The following PALM2AKAP2 variants were observed in gnomAD, a reference collection of about 807,000 sequenced individuals.
The protein encoded by PALM2AKAP2 is PALM2-AKAP2 fusion protein.
Under a neutral mutation model 71.5 loss-of-function variants are expected in PALM2AKAP2, and 37 were observed. That is an observed-to-expected ratio of 0.52 (90% CI 0.40 to 0.68). The LOEUF (loss-of-function observed/expected upper bound fraction) is 0.68. Among genes scored for constraint, PALM2AKAP2 ranks in the 30% least tolerant of loss-of-function variants. PALM2AKAP2 has a pLI of 0.00. For synonymous variants in PALM2AKAP2, 468 were observed against 478.8 expected, an observed-to-expected ratio of 0.98 and a Z score of 0.29; for missense variants, 1,224 against 1,191.8, an observed-to-expected ratio of 1.03 and a Z score of -0.40.
Position 109,867,722 on chromosome 9 carries a change from T to G in PALM2AKAP2, c.126+151T>G, listed in dbSNP as rs551014249. The G allele has an allele frequency of 6.4e-4, 584 of 909,720 alleles. 3 individuals carry two copies. In the Middle Eastern group the frequency reaches 7.1e-3, roughly 11 times the overall value. 56.4% of individuals were successfully genotyped at this position (909,720 alleles called of 1,614,324 possible). The stretch of plus-strand genomic sequence containing the variant: ...CAGGAAACCATCTCTTGGCTTTTCT[T>G]GTGAATTTCTCAAATTCAGGGCATT... On this transcript the variant is annotated intron_variant, in intron 2 of 9. Transcript: ENST00000302798.
intron 1 of PALM2AKAP2, among the ~76,000 whole-genome samples, chr9:109,799,329 C>T (rs746047293): frequency 1.3e-5 from 2 of 152,208 alleles, no homozygotes; most frequent in Non-Finnish European, 2.9e-5. Context: ...CTGAGAGCCA[C>T]TGAAGACCTG....
chr9:109,696,283 G>A (rs1205090738), intron 1 of PALM2AKAP2, among the ~76,000 whole-genome samples: 5 of 152,138 alleles, frequency 3.3e-5, no homozygotes. Context: ...TTAAAAGTGG[G>A]CAAAGGACAC....
rs568539585 is a variant in PALM2AKAP2, at chr9:109,909,161, C to T, written c.258-14574C>T. 1.2e-4 allele frequency among the ~76,000 whole-genome samples: 18 copies of T among 150,862 alleles called. No individual in the cohort carries two copies. The South Asian group carries it at 1.5e-3, about 13-fold the overall frequency. ...GAATAGTACATTACACACGCGCGCA[C>T]GCACACACACACACACACACCTGGG... is the stretch of plus-strand genomic sequence containing the variant. On this transcript the variant is annotated intron_variant, in intron 3 of 9. Transcript: ENST00000302798.
At chr9:109,876,019 G>C (rs1829712777) in intron 2 of PALM2AKAP2, among the ~76,000 whole-genome samples, 1 of 152,182 alleles carries the variant, frequency 6.6e-6, no homozygotes, top group South Asian at 2.1e-4. Flanking sequence ...GGAGGAGTTT[G>C]AGACCAGCCT....
intron 1 of PALM2AKAP2, among the ~76,000 whole-genome samples, chr9:109,752,219 A>G (rs913952977): frequency 2.0e-5 from 3 of 152,140 alleles, no homozygotes; most frequent in African/African-American, 4.8e-5. Flanking sequence ...AAAGGCATTC[A>G]ATGAAGACCA....
chr9:109,757,974 A>G (rs1828990709), intron 1 of PALM2AKAP2, among the ~76,000 whole-genome samples: 1 of 152,004 alleles, frequency 6.6e-6, no homozygotes, highest in East Asian at 1.9e-4. Context: ...TACCCATCCT[A>G]ACCCCCTCCC....
intron 1 of PALM2AKAP2, among the ~76,000 whole-genome samples, chr9:109,652,301 C>T (rs559109799): frequency 1.1e-4 from 16 of 152,204 alleles, no homozygotes; most frequent in African/African-American, 3.4e-4. Context: ...GTGGATCCCT[C>T]ATGAATGGCT....
At chr9:109,917,534 A>G (rs577463631) in intron 3 of PALM2AKAP2, among the ~76,000 whole-genome samples, 3 of 141,776 alleles carry the variant, frequency 2.1e-5, no homozygotes, top group East Asian at 2.1e-4. Context: ...TGTCACCCAG[A>G]CTGGAGTACA....
At chr9:110,104,452 G>C (rs1395009583) in intron 1 of PALM2AKAP2, among the ~76,000 whole-genome samples, 4 of 152,188 alleles carry the variant, frequency 2.6e-5, no homozygotes, top group Non-Finnish European at 5.9e-5. Flanking sequence ...TTGTGTTCCA[G>C]TGACTTGAAA....
At chr9:110,082,252 C>T (rs1378278374) in intron 1 of PALM2AKAP2, among the ~76,000 whole-genome samples, 3 of 152,098 alleles carry the variant, frequency 2.0e-5, no homozygotes, top group Non-Finnish European at 4.4e-5. Flanking sequence ...CACAGGGTTT[C>T]ACCATGTTGG....
chr9:110,167,626 T>A (rs1324798748), intron 3 of PALM2AKAP2, among the ~76,000 whole-genome samples: 1 of 152,202 alleles, frequency 6.6e-6, no homozygotes, highest in Non-Finnish European at 1.5e-5. Flanking sequence ...TTTCATTGAT[T>A]AGCATGTGGG....
intron 3 of PALM2AKAP2, among the ~76,000 whole-genome samples, chr9:109,907,098 T>A (rs1379888665): frequency 6.6e-6 from 1 of 152,214 alleles, no homozygotes; most frequent in Non-Finnish European, 1.5e-5. Context: ...TTCAAGATCC[T>A]ACTGACATGT....
chr9:110,049,973 G>A (rs1279963226), intron 1 of PALM2AKAP2, among the ~76,000 whole-genome samples: 1 of 152,218 alleles, frequency 6.6e-6, no homozygotes, highest in Admixed American at 6.5e-5. Flanking sequence ...GAGAGATGGT[G>A]GATTCCCTTT....
rs535842091 is a variant in PALM2AKAP2 at position 110,017,719 on chromosome 9, C to T, written c.582+1680C>T. On this transcript the variant is annotated intron_variant, in intron 7 of 9. Coordinates refer to the PALM2AKAP2 transcript ENST00000302798. The stretch of plus-strand genomic sequence containing the variant: ...CTGGAGTTTGCTTTTATAAAGCAAA[C>T]GGCATATTCCTTTTTTTTTTTTTTT... Among the ~76,000 whole-genome samples, 26 of 138,696 alleles carry T rather than the reference C, an allele frequency of 1.9e-4. 1 individual carries two copies. In the East Asian group the frequency reaches 3.5e-3, roughly 19 times the overall value. 91.0% of individuals were successfully genotyped at this position (138,696 alleles called of 152,430 possible). A position where few individuals can be genotyped will look rare whatever the true frequency, so the allele number is the denominator to read the frequency against.
chr9:109,839,043 G>A (rs1055781205), intron 1 of PALM2AKAP2, among the ~76,000 whole-genome samples: 5 of 152,096 alleles, frequency 3.3e-5, no homozygotes, highest in Non-Finnish European at 5.9e-5. Context: ...TATGAGGCCA[G>A]CATCATCCTG....
intron 1 of PALM2AKAP2, among the ~76,000 whole-genome samples, chr9:109,654,808 C>G (rs1012363597): frequency 6.7e-6 from 1 of 148,986 alleles, no homozygotes; most frequent in Admixed American, 6.7e-5. Context: ...CTTTTTAAAG[C>G]CTCCTTCTAA....
chr9:109,744,132 G>T (rs910203698), intron 1 of PALM2AKAP2, among the ~76,000 whole-genome samples: 4 of 152,086 alleles, frequency 2.6e-5, no homozygotes, highest in Non-Finnish European at 4.4e-5. Flanking sequence ...AACCAGAGAA[G>T]AACTGAATAA....
intron 1 of PALM2AKAP2, among the ~76,000 whole-genome samples, chr9:110,061,770 C>G (rs534535842): frequency 1.8e-4 from 27 of 150,482 alleles, no homozygotes; most frequent in Non-Finnish European, 3.7e-4. Flanking sequence ...AACTCTTGAG[C>G]TCCAGTAATC....
At chr9:109,794,926 C>T (rs1413683396) in intron 1 of PALM2AKAP2, among the ~76,000 whole-genome samples, 1 of 152,220 alleles carries the variant, frequency 6.6e-6, no homozygotes, top group Non-Finnish European at 1.5e-5. Context: ...TGTGGACACT[C>T]ACAATTGCTC....
Sources: allele counts gnomAD v4.1 joint callset (sites outside exome capture counted in the v4.1 genomes callset), GRCh38; gene constraint gnomAD v4.1.1; transcripts MANE v1.5; gene names NCBI Gene and HGNC (gene_info 2026-07-23, HGNC 2026-07-21).